ZDHHC14: variants seen among roughly 807,000 people sequenced by gnomAD.
ZDHHC14 encodes the protein palmitoyltransferase ZDHHC14.
ZDHHC14 carries 16 observed loss-of-function variants against 47.7 expected under a neutral mutation model. The ratio of observed to expected loss-of-function variants is 0.34; its 90% CI spans 0.23 to 0.51. ZDHHC14 has a LOEUF of 0.51. Ranked by LOEUF, ZDHHC14 falls within the 20% of genes least tolerant of loss-of-function variation. ZDHHC14 has a pLI of 0.97. For synonymous variants in ZDHHC14, 293 were observed against 278.9 expected (o/e 1.05, Z -0.50); for missense variants, 515 against 662.5 (o/e 0.78, Z 2.44).
chr6:157,653,987 T>G (rs1344930707), intron 8 of ZDHHC14, among the ~76,000 whole-genome samples: 3 of 152,082 alleles, frequency 2.0e-5, no homozygotes, highest in Non-Finnish European at 4.4e-5. Context: ...TCCCTTTCCG[T>G]CCCTTGGTCC....
chr6:157,486,006 C>T (rs933084738), intron 1 of ZDHHC14, among the ~76,000 whole-genome samples: 3 of 152,242 alleles, frequency 2.0e-5, no homozygotes, highest in African/African-American at 4.8e-5. Flanking sequence ...GAGTGAAACT[C>T]GGTGCCCCCT....
chr6:157,442,952 C>G (rs764135413), intron 1 of ZDHHC14, among the ~76,000 whole-genome samples: 1 of 152,178 alleles, frequency 6.6e-6, no homozygotes, highest in Non-Finnish European at 1.5e-5. Context: ...AGTTTGAAGC[C>G]AATCAAGTAA....
At chr6:157,593,371 G>A (rs1417740957) in intron 3 of ZDHHC14, among the ~76,000 whole-genome samples, 2 of 152,164 alleles carry the variant, frequency 1.3e-5, no homozygotes, top group African/African-American at 2.4e-5. Context: ...GCACAGGCAC[G>A]AGAATGGGGT....
chr6:157,672,259 CACTTTTG>C (rs556109950), intron 8 of ZDHHC14, among the ~76,000 whole-genome samples: 18 of 152,194 alleles, frequency 1.2e-4, no homozygotes, highest in Non-Finnish European at 2.5e-4. Flanking sequence ...ACACTTGAGT[CACTTTTG>C]ACTTTTGACT....
intron 1 of ZDHHC14, among the ~76,000 whole-genome samples, chr6:157,413,026 C>T (rs1470296984): frequency 4.6e-5 from 7 of 152,058 alleles, no homozygotes; most frequent in South Asian, 4.2e-4. Context: ...CAGTACTGAA[C>T]GGCAGATTGA....
intron 1 of ZDHHC14, among the ~76,000 whole-genome samples, chr6:157,410,765 T>C (rs2114757561): frequency 6.6e-6 from 1 of 152,272 alleles, no homozygotes; most frequent in South Asian, 2.1e-4. Flanking sequence ...GGCATGATCT[T>C]GGTTCACTGC....
chr6:157,397,337 C>T lies in ZDHHC14; in HGVS notation c.245+15071C>T, dbSNP rs565008441. 4.6e-5 allele frequency among the ~76,000 whole-genome samples: 7 copies of T among 152,308 alleles called. No homozygotes were observed. The South Asian group carries it at 1.4e-3, about 32-fold the overall frequency. On this transcript the variant is annotated intron_variant, in intron 1 of 8. Coordinates refer to ENST00000359775, the MANE Select transcript of ZDHHC14 (RefSeq NM_024630.3). ...CAGATTGATTATCTTACAGTCTGTA[C>T]ATCAGAAGTCTAGTCTAATCCTGCT...
chr6:157,557,677 G>A (rs1233335916), intron 2 of ZDHHC14, among the ~76,000 whole-genome samples: 1 of 152,212 alleles, frequency 6.6e-6, no homozygotes, highest in Non-Finnish European at 1.5e-5. Context: ...CTTGTCAGCT[G>A]GGTCCATTGC....
intron 3 of ZDHHC14, among the ~76,000 whole-genome samples, chr6:157,609,436 A>G (rs1170857528): frequency 6.6e-6 from 1 of 152,196 alleles, no homozygotes; most frequent in Non-Finnish European, 1.5e-5. Context: ...ACAGCTGAGG[A>G]TGATTGCCAG....
At chr6:157,588,842 T>A (rs769868218) in intron 2 of ZDHHC14, among the ~76,000 whole-genome samples, 2 of 152,132 alleles carry the variant, frequency 1.3e-5, no homozygotes, top group Non-Finnish European at 2.9e-5. Flanking sequence ...CACTGGGGAA[T>A]CTCGGTGAAA....
chr6:157,548,436 G>GT lies in ZDHHC14; in HGVS notation c.406+5693dup, dbSNP rs71705103. 7.3e-4 allele frequency among the ~76,000 whole-genome samples: 111 copies of GT among 151,098 alleles called. 1 individual carries two copies. In the East Asian group the frequency reaches 7.4e-3, roughly 10 times the overall value. On this transcript the variant is annotated intron_variant, in intron 2 of 8. Coordinates refer to ENST00000359775, the MANE Select transcript of ZDHHC14 (RefSeq NM_024630.3). ...TGTTCTTGTTTTTGTTGTTGTTGTT[G>GT]TTGTTTGTTTGTTTGTTTGTTTGTT...
intron 3 of ZDHHC14, among the ~76,000 whole-genome samples, chr6:157,615,253 A>G (rs1422640656): frequency 1.3e-5 from 2 of 152,180 alleles, no homozygotes; most frequent in Non-Finnish European, 2.9e-5. Context: ...GCTTTATGTG[A>G]ACAACAAGAA....
At chr6:157,564,516 C>G (rs958693288) in intron 2 of ZDHHC14, among the ~76,000 whole-genome samples, 4 of 152,276 alleles carry the variant, frequency 2.6e-5, no homozygotes, top group African/African-American at 9.6e-5. Flanking sequence ...CAGTTCAACC[C>G]AATACATCAG....
rs574380885 is a variant in ZDHHC14 at position 157,513,753 on chromosome 6, G to T, written c.246-28832G>T. ...TTTTTTAATAAAAAGGTTCAGAGAGGTTAGGTAAGTTTGCCTGAGTCACAC... is the reference window on the plus strand; with the variant it reads ...TTTTTTAATAAAAAGGTTCAGAGAGTTTAGGTAAGTTTGCCTGAGTCACAC... On this transcript the variant is annotated intron_variant, in intron 1 of 8. Coordinates refer to ENST00000359775, the MANE Select transcript of ZDHHC14 (RefSeq NM_024630.3). Among the ~76,000 whole-genome samples the T allele has an allele frequency of 4.6e-5, 7 of 152,288 alleles. No homozygotes were observed. The East Asian group carries it at 1.3e-3, about 29-fold the overall frequency.
rs1240549654 is a variant in ZDHHC14 at position 157,677,887 on chromosome 6, T to A, written c.*4765T>A. The A allele has an allele frequency of 6.6e-6, 1 of 150,674 alleles. No individual in the cohort carries two copies. The highest frequency in any genetic ancestry group is 1.9e-4 in the East Asian group (1 of 5,156). The allele number at this position is 150,674 out of a possible 1,614,324, so 9.3% of individuals were successfully genotyped here. ...AAAAAACGGTTGAAGCCTTGCTAAC[T>A]TTTTCCCAGAGCATTCTGGGTTGAT... On this transcript the variant is annotated 3_prime_UTR_variant, in exon 9 of 9. Transcript: ENST00000359775.
At chr6:157,654,266 G>C (rs1777981571) in intron 8 of ZDHHC14, among the ~76,000 whole-genome samples, 1 of 152,036 alleles carries the variant, frequency 6.6e-6, no homozygotes, top group Non-Finnish European at 1.5e-5. Flanking sequence ...AGATCTGGGG[G>C]AGGGGGCAGG....
At chr6:157,496,359 G>A (rs1780064130) in intron 1 of ZDHHC14, among the ~76,000 whole-genome samples, 1 of 151,236 alleles carries the variant, frequency 6.6e-6, no homozygotes, top group African/African-American at 2.4e-5. Flanking sequence ...CTCCCACATT[G>A]GGGAGGAAGT....
intron 2 of ZDHHC14, among the ~76,000 whole-genome samples, chr6:157,583,282 A>G (rs2114876412): frequency 6.6e-6 from 1 of 152,216 alleles, no homozygotes; most frequent in Non-Finnish European, 1.5e-5. Flanking sequence ...GTTTGGAAAG[A>G]AGACACTCTG....
intron 2 of ZDHHC14, among the ~76,000 whole-genome samples, chr6:157,579,523 A>T (rs968679075): frequency 1.3e-5 from 2 of 152,116 alleles, no homozygotes; most frequent in African/African-American, 4.8e-5. Context: ...ACCCATAAAC[A>T]TGGAATGTTT....
Sources: allele counts gnomAD v4.1 joint callset (sites outside exome capture counted in the v4.1 genomes callset), GRCh38; gene constraint gnomAD v4.1.1; transcripts MANE v1.5; gene names NCBI Gene and HGNC (gene_info 2026-07-23, HGNC 2026-07-21).